Variants in CUL1 observed in about 807,000 individuals in gnomAD.
The protein encoded by CUL1 is cullin-1.
CUL1 carries 24 observed loss-of-function variants against 118.0 expected under a neutral mutation model. The observed-to-expected ratio is 0.20, with a 90% CI of 0.15 to 0.29. CUL1 has a LOEUF of 0.29. Among genes scored for constraint, CUL1 ranks in the 10% least tolerant of loss-of-function variants. The pLI is 1.00. For synonymous variants in CUL1, 332 were observed against 340.4 expected (o/e 0.98, Z 0.27); for missense variants, 361 against 933.8 (o/e 0.39, Z 7.99).
Position 148,792,766 on chromosome 7 carries a change from C to A in CUL1, c.1847C>A (p.Thr616Lys). The A allele has an allele frequency of 6.2e-7, 1 of 1,613,456 alleles. No individual in the cohort carries two copies. Among genetic ancestry groups the A allele is most frequent in the Non-Finnish European group, 8.5e-7 (1 of 1,179,720 alleles). The change falls in exon 17 of 22, where the codon ACG (threonine) becomes AAG (lysine). Residue 616 changes from threonine to lysine, a missense_variant. By Grantham distance (78) the Thr-to-Lys change is moderately conservative. This residue lies in a region of CUL1 where 84 missense variants were observed against 203.3 expected (regional missense o/e 0.41). Transcript: ENST00000325222. The part of the protein sequence containing the change: ...FQMAILLQYN[T>K]EDAYTVQQLT... ...ATGGCTATCCTGCTTCAGTACAACA[C>A]GGAAGATGCCTACACTGTGCAGCAG...
intron 7 of CUL1, among the ~76,000 whole-genome samples, chr7:148,766,280 G>GC (rs1800001583): frequency 6.6e-6 from 1 of 151,948 alleles, no homozygotes; most frequent in Non-Finnish European, 1.5e-5. Flanking sequence ...GACTACAGGC[G>GC]CGTGCCACAC....
rs556524386 is a variant in CUL1 at position 148,758,021 on chromosome 7, G to T, written c.483+871G>T. ...TGGGGACATAGCCAAACCATATCAG[G>T]TCCCCAAACCTGCTCTGTCAGCATC... On this transcript the variant is annotated intron_variant, in intron 4 of 21. Transcript: ENST00000325222. Among the ~76,000 whole-genome samples the T allele has an allele frequency of 4.9e-3, 743 of 152,300 alleles. 10 individuals are homozygous for T. Among genetic ancestry groups the T allele is most frequent in the African/African-American group, 0.017 (725 of 41,558 alleles).
intron 2 of CUL1, among the ~76,000 whole-genome samples, chr7:148,750,337 A>G (rs889195789): frequency 4.0e-5 from 6 of 151,014 alleles, no homozygotes; most frequent in Admixed American, 1.3e-4. Context: ...TCTAGGGTAC[A>G]TATGCACAAT....
At chr7:148,792,185 CAAA>C (rs11340035) in intron 16 of CUL1, among the ~76,000 whole-genome samples, 4 of 143,772 alleles carry the variant, frequency 2.8e-5, no homozygotes, top group Admixed American at 6.9e-5. Flanking sequence ...GACTTTGTCT[CAAA>C]AAAAAAAAAA....
chr7:148,736,856 T>A (rs745539713), intron 2 of CUL1, among the ~76,000 whole-genome samples: 10 of 152,252 alleles, frequency 6.6e-5, no homozygotes, highest in Non-Finnish European at 1.5e-4. Flanking sequence ...TGAAGTGGTA[T>A]GTGAATTGTG....
intron 1 of CUL1, among the ~76,000 whole-genome samples, chr7:148,720,915 A>G (rs935623700): frequency 2.0e-5 from 3 of 152,260 alleles, no homozygotes; most frequent in Non-Finnish European, 4.4e-5. Flanking sequence ...TTTTTGTTAC[A>G]TGAATATATA....
In CUL1 at chr7:148,798,745, C is replaced by A. The variant is rs184509962; in HGVS notation, c.2136+68C>A. ...GCAGGGATGGCTCGCAAGGACGGGC[C>A]GTGGGGGGTAGGCGGGGGTGACAAA... On this transcript the variant is annotated intron_variant, in intron 20 of 21. Transcript: ENST00000325222. The A allele has an allele frequency of 3.8e-6, 5 of 1,300,186 alleles. No individual in the cohort carries two copies. The Admixed American group carries it at 5.0e-5, about 13-fold the overall frequency. 80.5% of individuals were successfully genotyped at this position (1,300,186 alleles called of 1,614,324 possible).
intron 1 of CUL1, among the ~76,000 whole-genome samples, chr7:148,700,971 G>C (rs972208506): frequency 6.6e-6 from 1 of 152,024 alleles, no homozygotes; most frequent in Non-Finnish European, 1.5e-5. Flanking sequence ...AGATATTACA[G>C]TTCATTAGAC....
intron 11 of CUL1, 29 bp downstream of exon 11, chr7:148,784,106 A>G: frequency 2.6e-6 from 4 of 1,532,848 alleles, no homozygotes; most frequent in South Asian, 1.1e-5. Flanking sequence ...TTTTCTTAGT[A>G]TGCCTGTTTA....
intron 7 of CUL1, 71 bp downstream of exon 7, chr7:148,760,567 C>A: frequency 9.3e-7 from 1 of 1,078,848 alleles, no homozygotes; most frequent in Non-Finnish European, 1.3e-6. Context: ...TTCTTTTTAG[C>A]ATATACAGCT....
At chr7:148,768,378 CTTTTTTTTTTTT>C (rs10595637) in intron 9 of CUL1, among the ~76,000 whole-genome samples, 4 of 94,868 alleles carry the variant, frequency 4.2e-5, no homozygotes, top group Admixed American at 1.2e-4. Context: ...AAGAAAAGCT[CTTTTTTTTTTTT>C]TTTTTTTTTT....
rs1224680208 is a variant in CUL1, at chr7:148,788,693, C to G, written c.1597+19C>G. ...CTAGACTGTGAGTATCCGTGTGTCTCTATGTTGTGTTTACAGGCAGAGTTC... is the reference window on the plus strand; with the variant it reads ...CTAGACTGTGAGTATCCGTGTGTCTGTATGTTGTGTTTACAGGCAGAGTTC... On this transcript the variant is annotated intron_variant, in intron 14 of 21. Coordinates refer to ENST00000325222, the MANE Select transcript of CUL1 (RefSeq NM_003592.3). 7 of 1,502,902 alleles carry G rather than the reference C, an allele frequency of 4.7e-6. No individual in the cohort carries two copies. The highest frequency in any genetic ancestry group is 1.7e-5 in the Admixed American group (1 of 58,484). The allele number at this position is 1,502,902 out of a possible 1,614,324, so 93.1% of individuals were successfully genotyped here.
In CUL1 at chr7:148,743,548, A is replaced by G. The variant is rs10263316; in HGVS notation, c.141-10428A>G. ...TCCTATGGTCTAGTTGCTGAGAGGA[A>G]TGTTGAATCTTATCCTATGATTGTG... is the stretch of plus-strand genomic sequence containing the variant. On this transcript the variant is annotated intron_variant, in intron 2 of 21. Coordinates refer to ENST00000325222, the MANE Select transcript of CUL1 (RefSeq NM_003592.3). Among the ~76,000 whole-genome samples the G allele has an allele frequency of 5.2e-3, 794 of 152,312 alleles. 15 individuals carry two copies. The highest frequency in any genetic ancestry group is 0.019 in the African/African-American group (771 of 41,568).
chr7:148,731,653 A>G (rs1051013007), intron 2 of CUL1, among the ~76,000 whole-genome samples: 44 of 152,120 alleles, frequency 2.9e-4, no homozygotes, highest in Non-Finnish European at 7.4e-5. Flanking sequence ...AATCACCCCA[A>G]AACGACACCT....
At chr7:148,794,981 G>A (rs1214625960) in intron 17 of CUL1, among the ~76,000 whole-genome samples, 4 of 152,024 alleles carry the variant, frequency 2.6e-5, no homozygotes, top group South Asian at 2.1e-4. Flanking sequence ...ACAGGCGTGC[G>A]CCACCATGCC....
chr7:148,698,785 G>A (rs28364764), upstream of CUL1: 103 of 154,128 alleles, frequency 6.7e-4, no homozygotes, highest in East Asian at 0.013. Flanking sequence ...AGGGCGGGGA[G>A]CCGCGCAGGG....
intron 7 of CUL1, among the ~76,000 whole-genome samples, chr7:148,763,019 C>T (rs1235564048): frequency 7.2e-5 from 11 of 152,042 alleles, no homozygotes; most frequent in African/African-American, 1.2e-4. Flanking sequence ...TGGTGGCGGA[C>T]GCCTGTTATC....
upstream of CUL1, chr7:148,698,540 G>C (rs994180272): frequency 7.2e-5 from 11 of 152,246 alleles, no homozygotes; most frequent in African/African-American, 2.4e-4. Flanking sequence ...CAGGCTCGCA[G>C]GTAGAAGCTT....
intron 2 of CUL1, among the ~76,000 whole-genome samples, chr7:148,747,515 C>G (rs901883387): frequency 4.6e-5 from 7 of 152,142 alleles, no homozygotes; most frequent in African/African-American, 1.7e-4. Context: ...TTACACCTGG[C>G]TGGGAGGGGC....
Sources: gnomAD v4.1 joint callset for allele counts (sites outside exome capture counted in the v4.1 genomes callset) on GRCh38, gnomAD v4.1.1 for gene constraint, gnomAD v4.1.1 regional missense constraint, MANE v1.5 for transcripts, NCBI Gene and HGNC (gene_info 2026-07-23, HGNC 2026-07-21) for gene names.